TENM4: variants seen among roughly 807,000 people sequenced by gnomAD.
The protein encoded by TENM4 is teneurin transmembrane protein 4.
TENM4 carries 82 observed loss-of-function variants against 243.3 expected under a neutral mutation model. The observed-to-expected ratio is 0.34, with a 90% CI of 0.28 to 0.40. TENM4 has a LOEUF of 0.40. TENM4 is among the 10% of genes least tolerant of loss of function. The pLI is 1.00. For synonymous variants in TENM4, 1,412 were observed against 1,456.3 expected (o/e 0.97, Z 0.69); for missense variants, 3,138 against 3,673.3 (o/e 0.85, Z 3.77).
chr11:79,279,166 C>T (rs946419551), intron 2 of TENM4, among the ~76,000 whole-genome samples: 1 of 152,204 alleles, frequency 6.6e-6, no homozygotes, highest in African/African-American at 2.4e-5. Flanking sequence ...TGAGCACCAG[C>T]TGTGGAGGAT....
chr11:79,021,694 A>G (rs1858933795), intron 6 of TENM4: 2 of 152,248 alleles, frequency 1.3e-5, no homozygotes, highest in Admixed American at 1.3e-4. Flanking sequence ...GTCATAGGGT[A>G]TAAATGGGGT....
At chr11:78,981,753 T>G (rs969931741) in intron 6 of TENM4, among the ~76,000 whole-genome samples, 2 of 152,116 alleles carry the variant, frequency 1.3e-5, no homozygotes, top group Non-Finnish European at 2.9e-5. Context: ...CCGGTTTGAG[T>G]TGCGGTTTTG....
At chr11:78,664,268 AT>A (rs1858097705) in intron 32 of TENM4, among the ~76,000 whole-genome samples, 1 of 152,054 alleles carries the variant, frequency 6.6e-6, no homozygotes, top group Non-Finnish European at 1.5e-5. Flanking sequence ...GATTTAATGT[AT>A]TTTGATTTTT....
intron 3 of TENM4, among the ~76,000 whole-genome samples, chr11:79,183,906 G>T (rs902803657): frequency 6.6e-6 from 1 of 152,116 alleles, no homozygotes; most frequent in Non-Finnish European, 1.5e-5. Context: ...ATTACTGGTG[G>T]GAATGTAAAA....
intron 17 of TENM4, among the ~76,000 whole-genome samples, chr11:78,774,612 T>C (rs1856705641): frequency 6.6e-6 from 1 of 152,202 alleles, no homozygotes; most frequent in South Asian, 2.1e-4. Flanking sequence ...CAATATATAT[T>C]TGTTAAAATA....
chr11:78,909,585 C>T (rs964914673), intron 6 of TENM4, among the ~76,000 whole-genome samples: 20 of 152,212 alleles, frequency 1.3e-4, no homozygotes, highest in Admixed American at 2.6e-4. Context: ...TTCCAAGTGT[C>T]GACCACAATA....
intron 26 of TENM4, among the ~76,000 whole-genome samples, chr11:78,709,620 C>G (rs934226468): frequency 1.3e-5 from 2 of 152,172 alleles, no homozygotes; most frequent in African/African-American, 2.4e-5. Context: ...CTGCACCCCC[C>G]AGGTAGCTGC....
intron 16 of TENM4, among the ~76,000 whole-genome samples, chr11:78,785,536 T>G (rs1018960980): frequency 6.6e-6 from 1 of 152,184 alleles, no homozygotes; most frequent in African/African-American, 2.4e-5. Flanking sequence ...TCCGTGACCT[T>G]AAGCCTCAGG....
chr11:79,313,015 C>G (rs1224657601), intron 1 of TENM4, among the ~76,000 whole-genome samples: 1 of 152,202 alleles, frequency 6.6e-6, no homozygotes, highest in African/African-American at 2.4e-5. Context: ...AAACCCCATC[C>G]CTAGTCACTG....
intron 3 of TENM4, among the ~76,000 whole-genome samples, chr11:79,190,671 TAGTC>T (rs1386832140): frequency 6.6e-6 from 1 of 152,140 alleles, no homozygotes; most frequent in Non-Finnish European, 1.5e-5. Context: ...AAAATGTAAA[TAGTC>T]AATATGAATA....
At chr11:78,856,463 C>T (rs1343426999) in intron 10 of TENM4, among the ~76,000 whole-genome samples, 1 of 152,130 alleles carries the variant, frequency 6.6e-6, no homozygotes, top group African/African-American at 2.4e-5. Flanking sequence ...TGCATAATTC[C>T]ACAGCTTGTT....
At chr11:79,357,517 T>C (rs1857517970) in intron 1 of TENM4, among the ~76,000 whole-genome samples, 1 of 152,220 alleles carries the variant, frequency 6.6e-6, no homozygotes, top group South Asian at 2.1e-4. Flanking sequence ...CCAACTATGA[T>C]GATGTGGGGT....
At chr11:78,908,381 A>C (rs1221130966) in intron 6 of TENM4, among the ~76,000 whole-genome samples, 1 of 152,226 alleles carries the variant, frequency 6.6e-6, no homozygotes, top group Non-Finnish European at 1.5e-5. Context: ...GAATATAGGA[A>C]TTCTGAAAAA....
intron 10 of TENM4, among the ~76,000 whole-genome samples, chr11:78,861,375 A>G (rs1858814727): frequency 6.6e-6 from 1 of 152,240 alleles, no homozygotes; most frequent in Admixed American, 6.5e-5. Context: ...GGATTTGCTT[A>G]AGGTGATACC....
chr11:79,116,962 C>T (rs1480145493), intron 4 of TENM4, among the ~76,000 whole-genome samples: 1 of 152,160 alleles, frequency 6.6e-6, no homozygotes, highest in African/African-American at 2.4e-5. Context: ...TCAGGGTAAT[C>T]CAATTTACTC....
rs12290396 is a variant in TENM4, at chr11:79,181,012, C to G, written c.-162-32206G>C. 1.3e-5 allele frequency among the ~76,000 whole-genome samples: 2 copies of G among 151,682 alleles called. 1 individual carries two copies. ...GTTTACTGGTGAATTCTACCAAACA[C>G]GTATGGAAGAAACTATACCAATTAT... is the stretch of plus-strand genomic sequence containing the variant. On this transcript the variant is annotated intron_variant, in intron 3 of 33. Coordinates refer to ENST00000278550, the MANE Select transcript of TENM4 (RefSeq NM_001098816.3).
chr11:78,998,857 C>T (rs1407263479), intron 6 of TENM4, among the ~76,000 whole-genome samples: 1 of 152,156 alleles, frequency 6.6e-6, no homozygotes, highest in Non-Finnish European at 1.5e-5. Context: ...TAGTGGAGTC[C>T]AGAGAGGTTC....
intron 1 of TENM4, among the ~76,000 whole-genome samples, chr11:79,370,519 C>G (rs1857760802): frequency 6.6e-6 from 1 of 152,122 alleles, no homozygotes; most frequent in African/African-American, 2.4e-5. Context: ...AAAGCCCTCT[C>G]TGCCTAGTTG....
Position 79,438,340 on chromosome 11 carries a change from C to T in TENM4, c.-321+2169G>A, listed in dbSNP as rs768822383. 6.6e-6 allele frequency among the ~76,000 whole-genome samples: 1 copy of T among 152,172 alleles called. No homozygotes were observed. Among genetic ancestry groups the T allele is most frequent in the Non-Finnish European group, 1.5e-5 (1 of 68,042 alleles). ...CACAGGCTGCGGCGCTGGAGGGAAG[C>T]GGCGAAACGGGGAGAATAAACGCAA... On this transcript the variant is annotated intron_variant, in intron 1 of 33. Coordinates refer to ENST00000278550, the MANE Select transcript of TENM4 (RefSeq NM_001098816.3). The surrounding 1 kb of genome is among the most constrained non-coding windows in gnomAD (Gnocchi z 4.1).
Sources: gnomAD v4.1 joint callset for allele counts (sites outside exome capture counted in the v4.1 genomes callset) on GRCh38, gnomAD v4.1.1 for gene constraint, Gnocchi (gnomAD v3.1) non-coding constraint, MANE v1.5 for transcripts, NCBI Gene and HGNC (gene_info 2026-07-23, HGNC 2026-07-21) for gene names.